Variants in CA13 observed in about 807,000 individuals in gnomAD.
The protein encoded by CA13 is carbonic anhydrase 13.
CA13 carries 21 observed loss-of-function variants against 31.5 expected under a neutral mutation model. The ratio of observed to expected loss-of-function variants is 0.67; its 90% CI spans 0.47 to 0.96. The LOEUF is 0.96. CA13 is among the 40% of genes least tolerant of loss of function. The pLI, the probability that CA13 is intolerant of heterozygous loss-of-function variation, is 0.00. For synonymous variants in CA13, 117 were observed against 111.4 expected (o/e 1.05, Z -0.32); for missense variants, 315 against 318.9 (o/e 0.99, Z 0.09).
At chr8:85,252,430 G>A (rs948355883) in intron 2 of CA13, among the ~76,000 whole-genome samples, 2 of 92,768 alleles carry the variant, frequency 2.2e-5, no homozygotes, top group African/African-American at 7.3e-5. Flanking sequence ...TTCCCTATTA[G>A]TACTTTTTTC....
intron 6 of CA13, 54 bp downstream of exon 6, chr8:85,268,681 T>G: frequency 3.3e-6 from 4 of 1,211,482 alleles, no homozygotes; most frequent in Non-Finnish European, 3.4e-6. Flanking sequence ...ACTGGGCTTT[T>G]TTTTTTTTTT....
intron 3 of CA13, among the ~76,000 whole-genome samples, chr8:85,259,955 A>G (rs1393209491): frequency 2.6e-5 from 4 of 152,200 alleles, no homozygotes; most frequent in Non-Finnish European, 5.9e-5. Context: ...TCATCCAGAT[A>G]CAAATATCCA....
At chr8:85,263,008 G>T (rs1418158762) in intron 3 of CA13, among the ~76,000 whole-genome samples, 1 of 152,184 alleles carries the variant, frequency 6.6e-6, no homozygotes, top group Non-Finnish European at 1.5e-5. Context: ...TGATCTGGTA[G>T]AGTGGCTGAG....
chr8:85,248,578 TG>T (rs897752694), intron 1 of CA13, among the ~76,000 whole-genome samples: 1 of 151,006 alleles, frequency 6.6e-6, no homozygotes, highest in Non-Finnish European at 1.5e-5. Flanking sequence ...TGCAGGGTCA[TG>T]GGGGGGACAA....
chr8:85,255,152 T>C (rs1398556133), intron 2 of CA13, among the ~76,000 whole-genome samples: 1 of 152,088 alleles, frequency 6.6e-6, no homozygotes, highest in African/African-American at 2.4e-5. Context: ...TTGACTTTCT[T>C]TGTTCTCAGG....
rs1378613709 is a variant in CA13 at position 85,283,572 on chromosome 8, T to G, written c.*2223T>G. On this transcript the variant is annotated 3_prime_UTR_variant, in exon 7 of 7. Coordinates refer to ENST00000321764, the MANE Select transcript of CA13 (RefSeq NM_198584.3). ...TAAAGGAATACTAATTAATTGTAAC[T>G]TGTAAAACCAAAAGTTCTAATGGTT... The G allele has an allele frequency of 6.5e-6, 1 of 152,674 alleles. No homozygotes were observed. Among genetic ancestry groups the G allele is most frequent in the African/African-American group, 2.4e-5 (1 of 41,464 alleles). 9.5% of individuals were successfully genotyped at this position (152,674 alleles called of 1,614,324 possible). A position where few individuals can be genotyped will look rare whatever the true frequency, so the allele number is the denominator to read the frequency against.
intron 2 of CA13, among the ~76,000 whole-genome samples, chr8:85,255,326 A>C (rs533944848): frequency 3.6e-4 from 54 of 151,488 alleles, no homozygotes; most frequent in African/African-American, 1.3e-3. Flanking sequence ...GCAGTGGTGC[A>C]ATCTCAGCTC....
intron 6 of CA13, among the ~76,000 whole-genome samples, chr8:85,272,991 T>C (rs1191492838): frequency 1.3e-5 from 2 of 152,264 alleles, no homozygotes; most frequent in South Asian, 2.1e-4. Flanking sequence ...CTAATTTTTG[T>C]ATTTTTAGTA....
intron 6 of CA13, among the ~76,000 whole-genome samples, chr8:85,276,305 C>T (rs1354028161): frequency 6.6e-6 from 1 of 152,230 alleles, no homozygotes; most frequent in Admixed American, 6.5e-5. Context: ...TTGAGCCTCC[C>T]CCCAACCTCC....
At chr8:85,269,813 A>G (rs1240135460) in intron 6 of CA13, among the ~76,000 whole-genome samples, 2 of 152,142 alleles carry the variant, frequency 1.3e-5, no homozygotes, top group Non-Finnish European at 2.9e-5. Flanking sequence ...CAAGCCATTC[A>G]TCTTCCTGTC....
intron 3 of CA13, among the ~76,000 whole-genome samples, chr8:85,260,800 A>G (rs1807365438): frequency 6.6e-6 from 1 of 152,226 alleles, no homozygotes; most frequent in African/African-American, 2.4e-5. Flanking sequence ...TGTTCTGAAT[A>G]TAACATGTTC....
chr8:85,273,005 A>G (rs187261338), intron 6 of CA13, among the ~76,000 whole-genome samples: 4 of 152,200 alleles, frequency 2.6e-5, no homozygotes, highest in Admixed American at 2.6e-4. Context: ...TTTAGTAGAG[A>G]CAGGGTTTCA....
At chr8:85,267,163 A>C (rs1171554817) in intron 4 of CA13, 18 of 720,744 alleles carry the variant, frequency 2.5e-5, no homozygotes, top group Non-Finnish European at 3.1e-5. Flanking sequence ...TATTGTCATC[A>C]TACCTGGGAA....
At chr8:85,272,192 T>A (rs575069853) in intron 6 of CA13, among the ~76,000 whole-genome samples, 18 of 152,250 alleles carry the variant, frequency 1.2e-4, no homozygotes, top group Non-Finnish European at 2.2e-4. Flanking sequence ...TTTAAATGAG[T>A]CATACAGTAG....
intron 6 of CA13, among the ~76,000 whole-genome samples, chr8:85,270,658 G>A (rs1237015132): frequency 1.3e-5 from 2 of 152,084 alleles, no homozygotes; most frequent in African/African-American, 4.8e-5. Flanking sequence ...AGTTAATAAG[G>A]GAATCCTGTT....
At position 85,245,728 on chromosome 8, in the gene CA13, C is replaced by G; in HGVS notation, c.-101C>G. On this transcript the variant is annotated 5_prime_UTR_variant, in exon 1 of 7. Coordinates refer to ENST00000321764, the MANE Select transcript of CA13 (RefSeq NM_198584.3). The stretch of plus-strand genomic sequence containing the variant: ...TCTCGCACTCCTGCCGCCGGCGCCC[C>G]GCGGTCCCGCCCTAGCAGGCTCCTT... The G allele has an allele frequency of 1.4e-6, 2 of 1,404,972 alleles. No individual in the cohort carries two copies. The highest frequency in any genetic ancestry group is 2.0e-6 in the Non-Finnish European group (2 of 997,112). 87.0% of individuals were successfully genotyped at this position (1,404,972 alleles called of 1,614,324 possible). A position where few individuals can be genotyped will look rare whatever the true frequency, so the allele number is the denominator to read the frequency against.
At chr8:85,280,150 C>A (rs1466521424) in intron 6 of CA13, among the ~76,000 whole-genome samples, 1 of 152,110 alleles carries the variant, frequency 6.6e-6, no homozygotes, top group Middle Eastern at 3.4e-3. Context: ...TGCGGTGGCA[C>A]GTGCCTGTAG....
chr8:85,269,076 G>T (rs1256927435), intron 6 of CA13, among the ~76,000 whole-genome samples: 2 of 152,182 alleles, frequency 1.3e-5, no homozygotes, highest in African/African-American at 4.8e-5. Context: ...AGTGAAACTT[G>T]AGGACAGTGA....
rs1015725973 is a variant in CA13 at position 85,282,541 on chromosome 8, T to C, written c.*1192T>C. ...GCAGGAAGCAATTTTGTGTGGGTCATTGTTCTGTCAATTTGTGGAAAAAAT... is the reference window on the plus strand; with the variant it reads ...GCAGGAAGCAATTTTGTGTGGGTCACTGTTCTGTCAATTTGTGGAAAAAAT... On this transcript the variant is annotated 3_prime_UTR_variant, in exon 7 of 7. Transcript: ENST00000321764. The C allele has an allele frequency of 6.6e-6, 1 of 152,224 alleles. No individual in the cohort carries two copies. The highest frequency in any genetic ancestry group is 1.5e-5 in the Non-Finnish European group (1 of 68,036). 9.4% of individuals were successfully genotyped at this position (152,224 alleles called of 1,614,324 possible). A position where few individuals can be genotyped will look rare whatever the true frequency, so the allele number is the denominator to read the frequency against.
Sources: gnomAD v4.1 joint callset for allele counts (sites outside exome capture counted in the v4.1 genomes callset) on GRCh38, gnomAD v4.1.1 for gene constraint, MANE v1.5 for transcripts, NCBI Gene and HGNC (gene_info 2026-07-23, HGNC 2026-07-21) for gene names.